Variants in P2RX6 observed in about 807,000 individuals in gnomAD.
P2RX6 encodes the protein purinergic receptor P2X 6, also known as P2X purinoceptor 6.
P2RX6 carries 62 observed loss-of-function variants against 54.2 expected under a neutral mutation model. The ratio of observed to expected loss-of-function variants is 1.14; its 90% confidence interval spans 0.93 to 1.41. P2RX6 has a LOEUF of 1.41. Ranked by LOEUF, P2RX6 falls within the 40% of genes most tolerant of loss-of-function variation. The pLI is 0.00. For missense variants in P2RX6, 541 were observed against 566.3 expected, an observed-to-expected ratio of 0.96 and a Z score of 0.45; for synonymous variants, 211 against 231.9, an observed-to-expected ratio of 0.91 and a Z score of 0.82.
chr22:21,022,857 C>A (rs1219294888), intron 4 of P2RX6, 85 bp from the exon 5 acceptor site: 5 of 1,492,338 alleles, frequency 3.4e-6, no homozygotes, highest in Non-Finnish European at 4.6e-6. Context: ...CCCTGCATCT[C>A]TCTTTCTGCC....
chr22:21,026,257 CT>C lies in P2RX6; in HGVS notation c.1061del (p.Phe354SerfsTer125). 3 of 1,596,866 alleles carry C rather than the reference CT, an allele frequency of 1.9e-6. No individual in the cohort carries two copies. Among genetic ancestry groups the C allele is most frequent in the Admixed American group, 1.8e-5 (1 of 57,096 alleles). On this transcript the variant is annotated frameshift_variant, in exon 11 of 12. Coordinates refer to ENST00000413302, the MANE Select transcript of P2RX6 (RefSeq NM_005446.5). LOFTEE classifies it high-confidence loss of function. This position sits in a 1 kb window ranked among gnomAD's most constrained non-coding sequence, Gnocchi z 4.0. ...GTTGGCCCTGCCTCTCCCAGGTCACCTTTTTCTGTGACCTGCTACTGCTGTA... is the reference window on the plus strand; with the variant it reads ...GTTGGCCCTGCCTCTCCCAGGTCACCTTTTCTGTGACCTGCTACTGCTGTA... ...TGAAWLGVVT[F>X]FCDLLLLYVD...
At chr22:21,016,380 G>A (rs571415673) in intron 2 of P2RX6, among the ~76,000 whole-genome samples, 58 of 152,206 alleles carry the variant, frequency 3.8e-4, no homozygotes, top group Non-Finnish European at 5.0e-4. Flanking sequence ...GGTGGATCAC[G>A]AGATTGAGAG....
chr22:21,010,664 G>C (rs972136183), upstream of P2RX6, among the ~76,000 whole-genome samples: 1 of 152,140 alleles, frequency 6.6e-6, no homozygotes, highest in Non-Finnish European at 1.5e-5. Context: ...TTTGAGGAGA[G>C]GCAGGTAGAA....
intron 3 of P2RX6, among the ~76,000 whole-genome samples, chr22:21,020,985 T>A (rs1323234713): frequency 6.6e-6 from 1 of 152,064 alleles, no homozygotes; most frequent in Non-Finnish European, 1.5e-5. Flanking sequence ...GGCCCTGAGC[T>A]GTGTGAGGTG....
At chr22:21,018,612 G>GC (rs1555937341) in intron 3 of P2RX6, 3 of 157,576 alleles carry the variant, frequency 1.9e-5, no homozygotes, top group Admixed American at 1.8e-4. Context: ...TTTCTGGATA[G>GC]TTTTTTTTGT....
intron 8 of P2RX6, among the ~76,000 whole-genome samples, 157 bp from the exon 9 acceptor site, chr22:21,025,648 C>G (rs550586363): frequency 1.4e-4 from 21 of 152,194 alleles, no homozygotes; most frequent in Non-Finnish European, 2.8e-4. Context: ...TTTGCTTTTT[C>G]TGTTTTCTCA....
chr22:21,018,638 G>C (rs1926839419), intron 3 of P2RX6: 1 of 157,966 alleles, frequency 6.3e-6, no homozygotes, highest in Admixed American at 6.0e-5. Flanking sequence ...TTTTGAGACG[G>C]AGTTTCACTC....
intron 3 of P2RX6, 102 bp from the exon 4 acceptor site, chr22:21,022,574 G>GACA: frequency 1.2e-5 from 10 of 811,046 alleles, no homozygotes; most frequent in African/African-American, 1.8e-5. Flanking sequence ...AGGTGGGAAG[G>GACA]GGGCCTGTCC....
rs760424891 is a variant in P2RX6 at position 21,023,171 on chromosome 22, T to C, written c.611T>C (p.Val204Ala). ...QNFTLFIKNTVTFSKFNFSKS... is the reference protein window; with the variant it reads ...QNFTLFIKNTATFSKFNFSKS... ...TTCACACTGTTCATCAAAAACACAG[T>C]CACCTTCAGCAAGTTCAACTTCTCT... The change falls in exon 6 of 12, where the codon GTC becomes GCC. Residue 204 changes from valine (V) to alanine (A), a missense_variant. This residue lies in a region of P2RX6 where 526 missense variants were observed against 531.5 expected (regional missense o/e 0.99). Coordinates refer to ENST00000413302, the MANE Select transcript of P2RX6 (RefSeq NM_005446.5). 2.5e-6 allele frequency: 4 copies of C among 1,613,858 alleles called. No homozygotes were observed. Among genetic ancestry groups the C allele is most frequent in the East Asian group, 2.2e-5 (1 of 44,860 alleles).
Position 21,025,832 on chromosome 22 carries a change from G to T in P2RX6, c.918G>T (p.Pro306=). ...CAGCCACTCACTGGTGGGAGCAACC[G>T]GGTGTGGAGGCCCGCACCCTGCTCA... The part of the protein sequence containing the change: ...FRTATHWWEQ[P]GVEARTLLKL... Residue 306 remains proline (P), a synonymous_variant, in exon 9 of 12, where the codon CCG becomes CCT. Transcript: ENST00000413302. The T allele has an allele frequency of 6.4e-7, 1 of 1,564,614 alleles. No individual in the cohort carries two copies. Among genetic ancestry groups the T allele is most frequent in the Middle Eastern group, 1.7e-4 (1 of 6,010 alleles).
In P2RX6 at chr22:21,025,881, A is replaced by G. The variant is rs1445791018; in HGVS notation, c.967A>G (p.Ile323Val). The G allele has an allele frequency of 6.3e-7, 1 of 1,577,048 alleles. No homozygotes were observed. The highest frequency in any genetic ancestry group is 8.6e-7 in the Non-Finnish European group (1 of 1,161,910). Residue 323 changes from isoleucine (I) to valine (V), a missense_variant, in exon 9 of 12, where the codon ATC becomes GTC. Transcript: ENST00000413302. ...CAAGCTCTATGGAATCCGCTTCGAC[A>G]TCCTCGTCACCGGGCAGGTAGGCAC... is the stretch of plus-strand genomic sequence containing the variant. ...LLKLYGIRFD[I>V]LVTGQAGKFG... is the part of the protein sequence containing the mutation.
intron 1 of P2RX6, among the ~76,000 whole-genome samples, chr22:21,015,662 GA>G (rs1177244962): frequency 6.6e-6 from 1 of 152,132 alleles, no homozygotes; most frequent in Non-Finnish European, 1.5e-5. Flanking sequence ...CTCGGGTCAG[GA>G]GAGTCTGTAA....
In P2RX6 at chr22:21,026,400, C is replaced by T; in HGVS notation, c.1129-20C>T. ...AGGAAGATGTTGGCTGGATCCCTGA[C>T]CTGCTGTCCTCATCTGCAGGCCAAG... On this transcript the variant is annotated intron_variant, in intron 11 of 11. Coordinates refer to ENST00000413302, the MANE Select transcript of P2RX6 (RefSeq NM_005446.5). This position sits in a 1 kb window ranked among gnomAD's most constrained non-coding sequence, Gnocchi z 4.0. 1 of 1,591,950 alleles carries T rather than the reference C, an allele frequency of 6.3e-7. No homozygotes were observed. The highest frequency in any genetic ancestry group is 1.1e-5 in the South Asian group (1 of 87,178).
chr22:21,025,775 G>A (rs1477145), intron 8 of P2RX6, 30 bp from the exon 9 acceptor site: 211,862 of 1,532,120 alleles, frequency 0.14, 23,975 homozygotes, highest in East Asian at 0.54. Flanking sequence ...GGGCAAAGCA[G>A]GTCACCAGAG....
chr22:21,022,349 GGACAACAGAGT>G (rs1257675729), intron 3 of P2RX6, among the ~76,000 whole-genome samples: 1 of 152,202 alleles, frequency 6.6e-6, no homozygotes, highest in Admixed American at 6.5e-5. Context: ...ACTAGAGCCT[GGACAACAGAGT>G]GAGACCGAAT....
In P2RX6 at chr22:21,025,997, C is replaced by T; in HGVS notation, c.985-14C>T. On this transcript the variant is annotated splice_polypyrimidine_tract_variant and intron_variant, in intron 9 of 11. Transcript: ENST00000413302. ...CAGTCGTGGGCTGAGAGGTTCAGCT[C>T]AGATCTCTCTCAGGCAGGGAAGTTC... 1.9e-6 allele frequency: 3 copies of T among 1,607,480 alleles called. 1 individual carries two copies. The South Asian group carries it at 3.3e-5, about 18-fold the overall frequency.
At chr22:21,017,487 C>T (rs942619406) in intron 2 of P2RX6, among the ~76,000 whole-genome samples, 3 of 152,214 alleles carry the variant, frequency 2.0e-5, no homozygotes, top group Non-Finnish European at 4.4e-5. Context: ...ACCTCGTCTC[C>T]ATCCTGAGCA....
upstream of P2RX6, among the ~76,000 whole-genome samples, chr22:21,011,105 T>G (rs1006405531): frequency 6.6e-6 from 1 of 151,826 alleles, no homozygotes; most frequent in Non-Finnish European, 1.5e-5. Context: ...ATTGTTAACA[T>G]TGTCCCTTGA....
chr22:21,023,402 G>T lies in P2RX6; in HGVS notation c.766G>T (p.Asp256Tyr). 1 of 1,614,050 alleles carries T rather than the reference G, an allele frequency of 6.2e-7. No homozygotes were observed. The highest frequency in any genetic ancestry group is 1.1e-5 in the South Asian group (1 of 91,086). Residue 256 changes from aspartate to tyrosine, a missense_variant, in exon 7 of 12, where the codon GAC becomes TAC. This residue lies in a region of P2RX6 where 526 missense variants were observed against 531.5 expected (regional missense o/e 0.99). Coordinates refer to ENST00000413302, the MANE Select transcript of P2RX6 (RefSeq NM_005446.5). Reference protein sequence around the residue: ...LVAKAGGTFEDLALLGGSVGI... With the variant: ...LVAKAGGTFEYLALLGGSVGI... ...GGCCAAGGCTGGAGGGACCTTCGAG[G>T]ACCTGGCGTTGCTGGTGGGTCCCAA... is the stretch of plus-strand genomic sequence containing the variant.
Sources: gnomAD v4.1 joint callset for allele counts (sites outside exome capture counted in the v4.1 genomes callset) on GRCh38, gnomAD v4.1.1 for gene constraint, gnomAD v4.1.1 regional missense constraint, Gnocchi (gnomAD v3.1) non-coding constraint, MANE v1.5 for transcripts, NCBI Gene and HGNC (gene_info 2026-07-23, HGNC 2026-07-21) for gene names.